The following TMCC2 variants were observed in gnomAD, a reference collection of about 807,000 sequenced individuals.
TMCC2 encodes transmembrane and coiled-coil domain family 2.
Under a neutral mutation model 49.4 loss-of-function variants are expected in TMCC2, and 16 were observed. The observed-to-expected ratio is 0.32, with a 90% CI of 0.22 to 0.49. The LOEUF (loss-of-function observed/expected upper bound fraction) is 0.49, where lower values mean the gene tolerates loss of function less well. TMCC2 is among the 20% of genes least tolerant of loss of function. The pLI is 0.99. For missense variants in TMCC2, 762 were observed against 989.8 expected (o/e 0.77, Z 3.09); for synonymous variants, 397 against 434.1 (o/e 0.91, Z 1.06).
intron 2 of TMCC2, among the ~76,000 whole-genome samples, chr1:205,254,258 A>T (rs1166397512): frequency 6.6e-6 from 1 of 152,218 alleles, no homozygotes; most frequent in Non-Finnish European, 1.5e-5. Context: ...TTCCTGCCAG[A>T]CACATTCACC....
At chr1:205,260,258 A>G (rs1661052518) in intron 2 of TMCC2, among the ~76,000 whole-genome samples, 1 of 152,088 alleles carries the variant, frequency 6.6e-6, no homozygotes, top group South Asian at 2.1e-4. Context: ...CTGGGCATGG[A>G]TAGGGAGCTG....
At position 205,242,008 on chromosome 1, in the gene TMCC2, C is replaced by T. The variant is rs1014244866; in HGVS notation, c.711C>T (p.Tyr237=). ...ALLLADGSNV[Y]LLAEEAEGIG... The stretch of plus-strand genomic sequence containing the variant: ...TGCTGGCCGACGGCAGCAACGTGTA[C>T]CTCCTGGCTGAGGAGGCCGAAGGCA... The change falls in exon 2 of 5, where the codon TAC becomes TAT. Residue 237 remains tyrosine (Y), a synonymous_variant. Transcript: ENST00000358024. 4 of 1,604,912 alleles carry T rather than the reference C, an allele frequency of 2.5e-6. No individual in the cohort carries two copies. The highest frequency in any genetic ancestry group is 3.4e-5 in the Admixed American group (2 of 59,332).
intron 3 of TMCC2, among the ~76,000 whole-genome samples, chr1:205,270,683 G>A (rs981153987): frequency 2.0e-5 from 3 of 152,288 alleles, no homozygotes; most frequent in Admixed American, 1.3e-4. Flanking sequence ...CTTCAGAGCC[G>A]GGATTGTGTC....
At chr1:205,268,104 C>T (rs1661421506) in intron 2 of TMCC2, 1 of 982,072 alleles carries the variant, frequency 1.0e-6, no homozygotes, top group Non-Finnish European at 1.2e-6. Context: ...CAGGGTGGCC[C>T]GCTGAGCTGC....
chr1:205,235,632 C>CTA (rs1395605000), intron 1 of TMCC2, among the ~76,000 whole-genome samples: 7 of 152,182 alleles, frequency 4.6e-5, no homozygotes, highest in Admixed American at 1.3e-4. Context: ...TCCCCATAGA[C>CTA]TACTAGCATG....
chr1:205,265,563 C>CTTTTT (rs938828110), intron 2 of TMCC2, among the ~76,000 whole-genome samples: 1 of 139,478 alleles, frequency 7.2e-6, no homozygotes, highest in Non-Finnish European at 1.6e-5. Context: ...ATTTTCTTTT[C>CTTTTT]TTTTTTTTTT....
chr1:205,260,435 G>A (rs1385307227), intron 2 of TMCC2, among the ~76,000 whole-genome samples: 2 of 152,202 alleles, frequency 1.3e-5, no homozygotes, highest in Non-Finnish European at 2.9e-5. Flanking sequence ...CTGCACGACA[G>A]GGGTATTAGG....
chr1:205,256,564 C>G (rs1023509561), intron 2 of TMCC2: 9 of 861,368 alleles, frequency 1.0e-5, no homozygotes, highest in Non-Finnish European at 1.5e-5. Flanking sequence ...CAGAAGAATT[C>G]CCCTGGTGAG....
In TMCC2 at chr1:205,228,952, C is replaced by A. The variant is rs147534219; in HGVS notation, c.207+181C>A. ...AGGTACCATTTATGCCTCTGTCTTT[C>A]AGCTCCGTGTCAGGTCTCTGTGTTT... On this transcript the variant is annotated intron_variant, in intron 1 of 4. Transcript: ENST00000358024. The A allele has an allele frequency of 4.7e-4, 661 of 1,411,974 alleles. 8 individuals are homozygous for A. In the East Asian group the frequency reaches 0.012, roughly 26 times the overall value. The allele number at this position is 1,411,974 out of a possible 1,614,324, so 87.5% of individuals were successfully genotyped here. A position where few individuals can be genotyped will look rare whatever the true frequency, so the allele number is the denominator to read the frequency against.
chr1:205,241,509 T>G lies in TMCC2; in HGVS notation c.212T>G (p.Ile71Ser). The G allele has an allele frequency of 6.2e-7, 1 of 1,613,096 alleles. No homozygotes were observed. Among genetic ancestry groups the G allele is most frequent in the Non-Finnish European group, 8.5e-7 (1 of 1,179,818 alleles). Residue 71 changes from isoleucine to serine, a missense_variant, in exon 2 of 5, where the codon ATC (isoleucine) becomes AGC (serine). Ile to Ser is a moderately radical substitution (Grantham distance 142). Coordinates refer to ENST00000358024, the MANE Select transcript of TMCC2 (RefSeq NM_014858.4). This position sits in a 1 kb window ranked among gnomAD's most constrained non-coding sequence, Gnocchi z 7.3. ...PRSKPPDLKK[I>S]QQLSEGSMFG... is the part of the protein sequence containing the mutation. ...TCTTCATCTCTCCCCCTTAAGAAAA[T>G]CCAGCAGCTGTCAGAGGGCTCCATG...
intron 2 of TMCC2, chr1:205,257,123 G>A: frequency 7.3e-6 from 9 of 1,228,984 alleles, no homozygotes; most frequent in Non-Finnish European, 9.1e-6. Context: ...AGATGGGAAG[G>A]AGCAGCCCGT....
At chr1:205,233,113 G>A (rs1244970968) in intron 1 of TMCC2, among the ~76,000 whole-genome samples, 4 of 151,908 alleles carry the variant, frequency 2.6e-5, no homozygotes, top group Non-Finnish European at 5.9e-5. Context: ...AGGCACGGGA[G>A]GAAATTACCA....
chr1:205,262,911 G>T (rs1431717061), intron 2 of TMCC2, among the ~76,000 whole-genome samples: 2 of 152,138 alleles, frequency 1.3e-5, no homozygotes, highest in Admixed American at 1.3e-4. Flanking sequence ...TCTCAACTAG[G>T]ATCTCGTGGT....
chr1:205,272,046 G>A lies in TMCC2; in HGVS notation c.2052G>A (p.Leu684=). The stretch of plus-strand genomic sequence containing the variant: ...TGCGCATCACCAGCACCACCCTCCT[G>A]GTCCTCGTCCTGTTCCTCCTCTGGA... ...TRLRITSTTL[L]VLVLFLLWKH... Residue 684 remains leucine, a synonymous_variant, in exon 5 of 5, where the codon CTG becomes CTA. Coordinates refer to ENST00000358024, the MANE Select transcript of TMCC2 (RefSeq NM_014858.4). 4 of 1,614,128 alleles carry A rather than the reference G, an allele frequency of 2.5e-6. No individual in the cohort carries two copies. The highest frequency in any genetic ancestry group is 3.4e-6 in the Non-Finnish European group (4 of 1,180,018).
In TMCC2 at chr1:205,271,175, A is replaced by T. The variant is rs1466772709; in HGVS notation, c.1738A>T (p.Met580Leu). 1.2e-6 allele frequency: 2 copies of T among 1,613,988 alleles called. No homozygotes were observed. Among genetic ancestry groups the T allele is most frequent in the Admixed American group, 3.3e-5 (2 of 60,038 alleles). ...NDLTELHQNE[M>L]TNLKQELASM... Reference sequence around the variant, plus strand: ...CCTGACTGAGCTTCATCAGAACGAGATGACGAACCTGAAGCAGGAGCTGGC... The same window carrying T: ...CCTGACTGAGCTTCATCAGAACGAGTTGACGAACCTGAAGCAGGAGCTGGC... Residue 580 changes from methionine to leucine, a missense_variant, in exon 4 of 5, where the codon ATG (methionine) becomes TTG (leucine). This residue lies in a region of TMCC2 where 440 missense variants were observed against 636.7 expected (regional missense o/e 0.69). Transcript: ENST00000358024.
Position 205,272,333 on chromosome 1 carries a change from G to A in TMCC2, c.*209G>A. 9.9e-7 allele frequency: 1 copy of A among 1,013,492 alleles called. No individual in the cohort carries two copies. The highest frequency in any genetic ancestry group is 2.9e-5 in the Admixed American group (1 of 34,204). The allele number at this position is 1,013,492 out of a possible 1,614,324, so 62.8% of individuals were successfully genotyped here. A position where few individuals can be genotyped will look rare whatever the true frequency, so the allele number is the denominator to read the frequency against. On this transcript the variant is annotated 3_prime_UTR_variant, in exon 5 of 5. Coordinates refer to ENST00000358024, the MANE Select transcript of TMCC2 (RefSeq NM_014858.4). ...AGCTTAGAATGCAGCCCTACCTGGA[G>A]ATAGTGCGGGCACCTGTGGCCAAGT...
intron 2 of TMCC2, among the ~76,000 whole-genome samples, chr1:205,251,676 A>T (rs1460584480): frequency 6.6e-6 from 1 of 152,230 alleles, no homozygotes; most frequent in African/African-American, 2.4e-5. Context: ...TTCAGATCCA[A>T]ATATAATCTG....
At chr1:205,270,374 G>A (rs747017814) in intron 3 of TMCC2, among the ~76,000 whole-genome samples, 1 of 152,156 alleles carries the variant, frequency 6.6e-6, no homozygotes, top group Non-Finnish European at 1.5e-5. Context: ...TGGATGTATA[G>A]CTTCCAAAAC....
intron 2 of TMCC2, among the ~76,000 whole-genome samples, chr1:205,261,489 C>T (rs895695569): frequency 6.6e-6 from 1 of 152,010 alleles, no homozygotes; most frequent in African/African-American, 2.4e-5. Context: ...AGGTGTGAGC[C>T]GCTGTGTGCA....
Sources: allele counts gnomAD v4.1 joint callset (sites outside exome capture counted in the v4.1 genomes callset), GRCh38; gene constraint gnomAD v4.1.1; regional missense constraint gnomAD v4.1.1; non-coding constraint Gnocchi (gnomAD v3.1); transcripts MANE v1.5; gene names NCBI Gene and HGNC (gene_info 2026-07-23, HGNC 2026-07-21).